The following CACNB4 variants were observed in gnomAD, a reference collection of about 807,000 sequenced individuals.
CACNB4 encodes the protein calcium voltage-gated channel auxiliary subunit beta 4.
In CACNB4, 32 loss-of-function variants were observed where a neutral mutation model predicts 71.2. The observed-to-expected ratio is 0.45, with a 90% CI of 0.34 to 0.60. The LOEUF (loss-of-function observed/expected upper bound fraction) is 0.60. Among genes scored for constraint, CACNB4 ranks in the 20% least tolerant of loss-of-function variants. The pLI is 0.01. For missense variants in CACNB4, 464 were observed against 647.9 expected (o/e 0.72, Z 3.08); for synonymous variants, 231 against 236.9 (o/e 0.97, Z 0.23).
At chr2:151,885,978 A>G (rs1012908313) in intron 2 of CACNB4, among the ~76,000 whole-genome samples, 1 of 152,024 alleles carries the variant, frequency 6.6e-6, no homozygotes, top group African/African-American at 2.4e-5. Flanking sequence ...ATTTTTATTC[A>G]TTTTTTCTTT....
At chr2:152,057,800 T>C (rs1056525824) in intron 2 of CACNB4, among the ~76,000 whole-genome samples, 1 of 151,988 alleles carries the variant, frequency 6.6e-6, no homozygotes, top group Non-Finnish European at 1.5e-5. Flanking sequence ...CTCTCTAGTC[T>C]CTGCCTATGG....
Position 152,055,952 on chromosome 2 carries a change from G to C in CACNB4, c.147+42378C>G, listed in dbSNP as rs185517340. On this transcript the variant is annotated intron_variant, in intron 2 of 13. Coordinates refer to ENST00000539935, the MANE Select transcript of CACNB4 (RefSeq NM_000726.5). ...TGTTACTATCATCACCTCCTCACAT[G>C]GTTTCTACTCACCACCACGCCCCTG... Among the ~76,000 whole-genome samples, 186 of 152,108 alleles carry C rather than the reference G, an allele frequency of 1.2e-3. 1 individual carries two copies. The highest frequency in any genetic ancestry group is 4.3e-3 in the African/African-American group (180 of 41,468).
intron 2 of CACNB4, among the ~76,000 whole-genome samples, chr2:152,035,665 A>ATATATATG (rs1236830827): frequency 1.6e-4 from 23 of 141,714 alleles, no homozygotes; most frequent in African/African-American, 6.0e-4. Flanking sequence ...ATATATATAT[A>ATATATATG]TATGTATGTA....
At chr2:152,027,783 C>T (rs1560144267) in intron 2 of CACNB4, among the ~76,000 whole-genome samples, 2 of 130,592 alleles carry the variant, frequency 1.5e-5, no homozygotes, top group South Asian at 2.6e-4. Flanking sequence ...ACCCGGGAGG[C>T]GGAGGTTGCA....
chr2:151,915,448 G>A (rs2099857217), intron 2 of CACNB4, among the ~76,000 whole-genome samples: 1 of 152,248 alleles, frequency 6.6e-6, no homozygotes, highest in African/African-American at 2.4e-5. Flanking sequence ...CCCGCAAGGA[G>A]CTCAAACAGC....
At chr2:151,920,338 T>G (rs74481335) in intron 2 of CACNB4, among the ~76,000 whole-genome samples, 3 of 111,546 alleles carry the variant, frequency 2.7e-5, no homozygotes, top group African/African-American at 2.7e-5. Context: ...TTTTTTTTTT[T>G]TGAGACAGGT....
intron 2 of CACNB4, among the ~76,000 whole-genome samples, chr2:151,957,035 C>T (rs547075032): frequency 1.0e-3 from 155 of 152,184 alleles, no homozygotes; most frequent in African/African-American, 3.6e-3. Flanking sequence ...TGCTTGTAAT[C>T]CCAGCTACTT....
At chr2:152,047,642 C>A (rs896929437) in intron 2 of CACNB4, among the ~76,000 whole-genome samples, 5 of 152,166 alleles carry the variant, frequency 3.3e-5, no homozygotes, top group Admixed American at 6.5e-5. Flanking sequence ...GCCTGTAATC[C>A]CAGCACTTTG....
At chr2:152,002,674 G>A (rs1265620402) in intron 2 of CACNB4, among the ~76,000 whole-genome samples, 3 of 152,174 alleles carry the variant, frequency 2.0e-5, no homozygotes, top group African/African-American at 7.2e-5. Context: ...ACCACACAGA[G>A]TTGCTGTAAG....
At chr2:151,900,410 T>G (rs1353829157) in intron 2 of CACNB4, among the ~76,000 whole-genome samples, 1 of 152,196 alleles carries the variant, frequency 6.6e-6, no homozygotes, top group Non-Finnish European at 1.5e-5. Context: ...AGCATCATCA[T>G]GATCTGCTGG....
At chr2:151,849,531 C>G (rs1056117102) in intron 12 of CACNB4, among the ~76,000 whole-genome samples, 2 of 152,202 alleles carry the variant, frequency 1.3e-5, no homozygotes, top group African/African-American at 2.4e-5. Flanking sequence ...CTGTTTCAAC[C>G]TCCTGAGTAG....
rs1031030149 is a variant in CACNB4 at position 151,872,351 on chromosome 2, C to T, written c.598+66G>A. 13 of 858,084 alleles carry T rather than the reference C, an allele frequency of 1.5e-5. No individual in the cohort carries two copies. The African/African-American group carries it at 1.6e-4, about 10-fold the overall frequency. 53.2% of individuals were successfully genotyped at this position (858,084 alleles called of 1,614,324 possible). A position where few individuals can be genotyped will look rare whatever the true frequency, so the allele number is the denominator to read the frequency against. On this transcript the variant is annotated intron_variant, in intron 6 of 13. Transcript: ENST00000539935. ...GTTTCCAAATTAGCAAAACTACTTG[C>T]ATGTGTGTTCAAATATTTTTAAAAG...
At chr2:151,855,422 G>T in intron 10 of CACNB4, 47 bp from the exon 11 acceptor site, 2 of 1,369,222 alleles carry the variant, frequency 1.5e-6, no homozygotes, top group Non-Finnish European at 2.0e-6. Flanking sequence ...TTATGAATTA[G>T]TTCTTACATT....
At chr2:151,965,369 G>A (rs558985460) in intron 2 of CACNB4, among the ~76,000 whole-genome samples, 2 of 152,202 alleles carry the variant, frequency 1.3e-5, no homozygotes, top group South Asian at 2.1e-4. Context: ...ACTTAACCAG[G>A]TGAGGCACAA....
At chr2:152,027,797 A>G (rs1405735814) in intron 2 of CACNB4, among the ~76,000 whole-genome samples, 1 of 135,480 alleles carries the variant, frequency 7.4e-6, no homozygotes. Context: ...GGTTGCAGTG[A>G]GTCGAGATTG....
At chr2:151,971,628 G>A in intron 2 of CACNB4, 1 of 702,900 alleles carries the variant, frequency 1.4e-6, no homozygotes, top group Non-Finnish European at 2.6e-6. Context: ...CACCAGGTCA[G>A]CTATTTAGGC....
intron 4 of CACNB4, chr2:151,880,259 C>G (rs908365726): frequency 2.0e-5 from 3 of 153,444 alleles, no homozygotes; most frequent in African/African-American, 7.2e-5. Context: ...TGGATCCCAC[C>G]CTTCTTGGCT....
Position 151,883,244 on chromosome 2 carries a change from G to T in CACNB4, c.267+7C>A, listed in dbSNP as rs1332930395. On this transcript the variant is annotated splice_region_variant and intron_variant, in intron 3 of 13. Coordinates refer to ENST00000539935, the MANE Select transcript of CACNB4 (RefSeq NM_000726.5). ...CTTTTGAGCCAAAGAGAAGGAAAGA[G>T]ACTCACCTTTGCTCTCTCAAGCTGG... is the stretch of plus-strand genomic sequence containing the variant. The T allele has an allele frequency of 3.1e-6, 5 of 1,613,822 alleles. No homozygotes were observed. The highest frequency in any genetic ancestry group is 1.7e-4 in the Middle Eastern group (1 of 6,060).
chr2:152,099,025 CGCATG>C lies in CACNB4; in HGVS notation c.-19_-15del. 1.3e-6 allele frequency: 2 copies of C among 1,515,238 alleles called. No homozygotes were observed. Among genetic ancestry groups the C allele is most frequent in the Non-Finnish European group, 1.8e-6 (2 of 1,134,974 alleles). The allele number at this position is 1,515,238 out of a possible 1,614,324, so 93.9% of individuals were successfully genotyped here. A position where few individuals can be genotyped will look rare whatever the true frequency, so the allele number is the denominator to read the frequency against. ...GGAGGAGGACATCGTTCAGAGCCGC[CGCATG>C]GCCAGCCCGTGTGCGGTGGGCGGAG... is the stretch of plus-strand genomic sequence containing the variant. On this transcript the variant is annotated 5_prime_UTR_variant, in exon 1 of 14. It removes an upstream start codon present in the reference 5' UTR. Transcript: ENST00000539935.
Sources: gnomAD v4.1 joint callset for allele counts (sites outside exome capture counted in the v4.1 genomes callset) on GRCh38, gnomAD v4.1.1 for gene constraint, MANE v1.5 for transcripts, NCBI Gene and HGNC (gene_info 2026-07-23, HGNC 2026-07-21) for gene names.